CCNY: variants seen among roughly 807,000 people sequenced by gnomAD.
The protein encoded by CCNY is cyclin Y, also known as cyclin-Y.
In CCNY, 19 loss-of-function variants were observed where a neutral mutation model predicts 42.8. That is an observed-to-expected ratio of 0.44 (90% CI 0.31 to 0.65). The LOEUF is 0.65. CCNY is among the 30% of genes least tolerant of loss of function. CCNY has a pLI of 0.07. For synonymous variants in CCNY, 165 were observed against 162.7 expected (o/e 1.01, Z -0.11); for missense variants, 370 against 437.3 (o/e 0.85, Z 1.37).
intron 3 of CCNY, among the ~76,000 whole-genome samples, chr10:35,256,968 C>T (rs1326305652): frequency 6.6e-6 from 1 of 151,994 alleles, no homozygotes; most frequent in Non-Finnish European, 1.5e-5. Context: ...GTATTAGTCT[C>T]TTAAGAGACT....
At chr10:35,390,354 T>G (rs1289377000) in intron 1 of CCNY, among the ~76,000 whole-genome samples, 1 of 152,230 alleles carries the variant, frequency 6.6e-6, no homozygotes, top group South Asian at 2.1e-4. Context: ...AGGAAACCCA[T>G]GTTCTTTTGC....
chr10:35,285,803 T>C (rs1323599928), intron 3 of CCNY, among the ~76,000 whole-genome samples: 1 of 143,562 alleles, frequency 7.0e-6, no homozygotes, highest in Non-Finnish European at 1.5e-5. Flanking sequence ...TGGTTGGATT[T>C]AGGTGTTTTT....
chr10:35,263,907 C>T (rs2135034941), intron 3 of CCNY, among the ~76,000 whole-genome samples: 1 of 152,282 alleles, frequency 6.6e-6, no homozygotes, highest in Non-Finnish European at 1.5e-5. Context: ...ATTCAGCTCC[C>T]TCTTCTAAGT....
At chr10:35,373,479 A>G (rs1450694968) in intron 1 of CCNY, among the ~76,000 whole-genome samples, 1 of 152,104 alleles carries the variant, frequency 6.6e-6, no homozygotes, top group South Asian at 2.1e-4. Flanking sequence ...TTTACTTTGT[A>G]TTTCTAACAT....
intron 3 of CCNY, among the ~76,000 whole-genome samples, chr10:35,321,390 G>A (rs1835820538): frequency 6.6e-6 from 1 of 151,880 alleles, no homozygotes; most frequent in Admixed American, 6.6e-5. Context: ...ATCCCAGCAG[G>A]GGTGGGGCAC....
At chr10:35,435,764 A>G (rs562794036) in intron 1 of CCNY, among the ~76,000 whole-genome samples, 1 of 152,316 alleles carries the variant, frequency 6.6e-6, no homozygotes, top group South Asian at 2.1e-4. Flanking sequence ...AGAGGCTCTC[A>G]TTAAATCTCT....
intron 3 of CCNY, among the ~76,000 whole-genome samples, chr10:35,271,098 T>C (rs1256610780): frequency 1.3e-5 from 2 of 152,186 alleles, no homozygotes; most frequent in East Asian, 3.8e-4. Flanking sequence ...AGTCACGCTC[T>C]GTTATAACAA....
At chr10:35,498,395 ACCAGCCAAGGG>A (rs1840043737) in intron 2 of CCNY, among the ~76,000 whole-genome samples, 1 of 152,190 alleles carries the variant, frequency 6.6e-6, no homozygotes, top group Non-Finnish European at 1.5e-5. Context: ...GTTCCCAGAT[ACCAGCCAAGGG>A]CCAGCCTTGC....
chr10:35,408,341 GCAA>G, intron 1 of CCNY, among the ~76,000 whole-genome samples: 2 of 152,320 alleles, frequency 1.3e-5, no homozygotes, highest in Middle Eastern at 6.8e-3. Flanking sequence ...CTTTGTGTGA[GCAA>G]CAAGGCTGTT....
intron 3 of CCNY, among the ~76,000 whole-genome samples, chr10:35,293,818 TCTCA>T (rs1333231943): frequency 1.4e-5 from 2 of 147,424 alleles, no homozygotes; most frequent in African/African-American, 5.1e-5. Context: ...AGACACAGAG[TCTCA>T]CTCTGTCACC....
At chr10:35,279,917 C>T (rs1375764724) in intron 3 of CCNY, among the ~76,000 whole-genome samples, 1 of 152,250 alleles carries the variant, frequency 6.6e-6, no homozygotes, top group East Asian at 1.9e-4. Flanking sequence ...GCTGCTTTTG[C>T]TAGCAAACTC....
At chr10:35,247,932 A>C (rs1343254222) in intron 1 of CCNY, among the ~76,000 whole-genome samples, 1 of 135,786 alleles carries the variant, frequency 7.4e-6, no homozygotes, top group Non-Finnish European at 1.5e-5. Context: ...TAAATAAATG[A>C]AAAAAAAAAG....
At chr10:35,482,300 T>G (rs532200660) in intron 1 of CCNY, among the ~76,000 whole-genome samples, 5 of 152,348 alleles carry the variant, frequency 3.3e-5, no homozygotes, top group South Asian at 2.1e-4. Context: ...CTCTGCAAAT[T>G]TATTGAAATA....
At chr10:35,508,180 C>T (rs1281166185) in intron 3 of CCNY, among the ~76,000 whole-genome samples, 1 of 152,194 alleles carries the variant, frequency 6.6e-6, no homozygotes, top group Non-Finnish European at 1.5e-5. Flanking sequence ...CCCTACCATA[C>T]TTCTCTCCCT....
At chr10:35,430,261 C>T (rs12413596) in intron 1 of CCNY, among the ~76,000 whole-genome samples, 41,858 of 140,590 alleles carry the variant, frequency 0.3, 6,285 homozygotes, top group East Asian at 0.37. Context: ...GGCGTGAACC[C>T]GGGAGGCGGA....
chr10:35,420,527 C>T (rs1838136901), intron 1 of CCNY, among the ~76,000 whole-genome samples: 1 of 152,150 alleles, frequency 6.6e-6, no homozygotes, highest in Non-Finnish European at 1.5e-5. Context: ...TTGAGATGAA[C>T]ATGTTTGTGC....
chr10:35,513,668 A>G (rs1344470823), intron 3 of CCNY, among the ~76,000 whole-genome samples: 1 of 152,206 alleles, frequency 6.6e-6, no homozygotes. Flanking sequence ...TGAGGGGCAG[A>G]GAGGGAGGCC....
chr10:35,357,577 G>A (rs1195674379), intron 1 of CCNY, among the ~76,000 whole-genome samples: 2 of 152,218 alleles, frequency 1.3e-5, no homozygotes, highest in Non-Finnish European at 2.9e-5. Flanking sequence ...ATTTTTGGTA[G>A]AAGCAGTGCC....
intron 2 of CCNY, chr10:35,250,427 G>A (rs2095711069): frequency 6.6e-6 from 1 of 152,062 alleles, no homozygotes; most frequent in South Asian, 2.1e-4. Flanking sequence ...GAGTCATGAG[G>A]GCATTTTTCT....
Sources: allele counts gnomAD v4.1 joint callset (sites outside exome capture counted in the v4.1 genomes callset), GRCh38; gene constraint gnomAD v4.1.1; transcripts MANE v1.5; gene names NCBI Gene and HGNC (gene_info 2026-07-23, HGNC 2026-07-21).